The following PRKAR2B variants were observed in gnomAD, a reference collection of about 807,000 sequenced individuals.
PRKAR2B encodes cAMP-dependent protein kinase type II-beta regulatory subunit.
A neutral mutation model predicts 49.9 loss-of-function variants in PRKAR2B; 14 were observed. That is an observed-to-expected ratio of 0.28 (90% CI 0.19 to 0.44). The LOEUF is 0.44. Among genes scored for constraint, PRKAR2B ranks in the 20% least tolerant of loss-of-function variants. PRKAR2B has a pLI of 1.00. For missense variants in PRKAR2B, 393 were observed against 537.9 expected (o/e 0.73, Z 2.67); for synonymous variants, 196 against 197.7 (o/e 0.99, Z 0.07).
intron 2 of PRKAR2B, among the ~76,000 whole-genome samples, chr7:107,079,263 A>G (rs1333164544): frequency 2.0e-5 from 3 of 152,184 alleles, no homozygotes; most frequent in Non-Finnish European, 2.9e-5. Context: ...TAAATTTGCC[A>G]CAGCAATATC....
chr7:107,052,738 T>A (rs1160801159), intron 1 of PRKAR2B, among the ~76,000 whole-genome samples: 1 of 152,268 alleles, frequency 6.6e-6, no homozygotes, highest in Non-Finnish European at 1.5e-5. Flanking sequence ...AGGCTAGCCC[T>A]GCATTGATCT....
At chr7:107,141,833 G>A (rs1562869421) in intron 5 of PRKAR2B, among the ~76,000 whole-genome samples, 1 of 152,058 alleles carries the variant, frequency 6.6e-6, no homozygotes, top group South Asian at 2.1e-4. Context: ...TCCAAGAATT[G>A]TATATTATTA....
At chr7:107,106,748 G>T (rs1795081197) in intron 2 of PRKAR2B, among the ~76,000 whole-genome samples, 1 of 152,070 alleles carries the variant, frequency 6.6e-6, no homozygotes, top group Non-Finnish European at 1.5e-5. Context: ...GACTTTGGGG[G>T]TAGAATCTTA....
At chr7:107,117,561 G>A (rs937564662) in intron 2 of PRKAR2B, among the ~76,000 whole-genome samples, 18 of 152,120 alleles carry the variant, frequency 1.2e-4, no homozygotes, top group Non-Finnish European at 2.1e-4. Flanking sequence ...CCAGTGAATC[G>A]TGGAGTTCAG....
intron 5 of PRKAR2B, among the ~76,000 whole-genome samples, chr7:107,141,357 C>T (rs1007272557): frequency 1.3e-5 from 2 of 152,124 alleles, no homozygotes; most frequent in African/African-American, 4.8e-5. Flanking sequence ...TTAAAAGGTT[C>T]TTTTTTTATA....
intron 10 of PRKAR2B, 84 bp from the exon 11 acceptor site, chr7:107,159,365 T>C (rs1331312437): frequency 1.5e-6 from 2 of 1,297,570 alleles, no homozygotes; most frequent in African/African-American, 1.5e-5. Flanking sequence ...TATTGATATA[T>C]ATGGAGTCGG....
chr7:107,096,749 C>T (rs1051183226), intron 2 of PRKAR2B, among the ~76,000 whole-genome samples: 12 of 152,066 alleles, frequency 7.9e-5, no homozygotes, highest in African/African-American at 7.2e-5. Flanking sequence ...TTATTTTTGC[C>T]TCCATTTCGT....
rs1232502589 is a variant in PRKAR2B, at chr7:107,161,533, T to C, written c.*1951T>C. On this transcript the variant is annotated 3_prime_UTR_variant, in exon 11 of 11. Coordinates refer to ENST00000265717, the MANE Select transcript of PRKAR2B (RefSeq NM_002736.3). ...TGAATTATTGTTTTTCATACTTTTTTGCTTGTTTCTTTAAAGTTTTCTGAC... is the reference window on the plus strand; with the variant it reads ...TGAATTATTGTTTTTCATACTTTTTCGCTTGTTTCTTTAAAGTTTTCTGAC... 6 of 152,680 alleles carry C rather than the reference T, an allele frequency of 3.9e-5. No homozygotes were observed. Among genetic ancestry groups the C allele is most frequent in the Admixed American group, 6.5e-5 (1 of 15,280 alleles). 9.5% of individuals were successfully genotyped at this position (152,680 alleles called of 1,614,324 possible).
At position 107,070,358 on chromosome 7, in the gene PRKAR2B, C is replaced by T. The variant is rs1315985473; in HGVS notation, c.343+42C>T. 3 of 1,510,322 alleles carry T rather than the reference C, an allele frequency of 2.0e-6. No homozygotes were observed. In the African/African-American group the frequency reaches 4.2e-5, roughly 21 times the overall value. The allele number at this position is 1,510,322 out of a possible 1,614,324, so 93.6% of individuals were successfully genotyped here. ...TATGGATTTTGTTTATTAATGGTGACATTTAAAAAATGATAATATTGGACA... is the reference window on the plus strand; with the variant it reads ...TATGGATTTTGTTTATTAATGGTGATATTTAAAAAATGATAATATTGGACA... On this transcript the variant is annotated intron_variant, in intron 2 of 10. Transcript: ENST00000265717.
chr7:107,105,857 A>G (rs1188420353), intron 2 of PRKAR2B, among the ~76,000 whole-genome samples: 1 of 152,164 alleles, frequency 6.6e-6, no homozygotes, highest in Non-Finnish European at 1.5e-5. Context: ...GAGGCAGAAG[A>G]GTGCTTAAGG....
At chr7:107,079,177 C>T (rs138937430) in intron 2 of PRKAR2B, among the ~76,000 whole-genome samples, 81 of 152,334 alleles carry the variant, frequency 5.3e-4, no homozygotes, top group Non-Finnish European at 1.0e-3. Flanking sequence ...GTCACTACTT[C>T]ACCAGCTCTG....
chr7:107,136,922 T>A (rs890753775), intron 4 of PRKAR2B, among the ~76,000 whole-genome samples: 7 of 152,170 alleles, frequency 4.6e-5, no homozygotes, highest in African/African-American at 1.7e-4. Context: ...TGTTGTTCAG[T>A]ATGTGAATGG....
At chr7:107,152,427 C>T (rs1351404113) in intron 7 of PRKAR2B, among the ~76,000 whole-genome samples, 1 of 152,186 alleles carries the variant, frequency 6.6e-6, no homozygotes, top group Non-Finnish European at 1.5e-5. Flanking sequence ...CTGCAGGGCT[C>T]CTTCATTTCT....
chr7:107,073,573 A>G (rs151103789), intron 2 of PRKAR2B, among the ~76,000 whole-genome samples: 29 of 152,316 alleles, frequency 1.9e-4, no homozygotes, highest in African/African-American at 6.3e-4. Context: ...TGAGTTCCAC[A>G]AAACATGATG....
chr7:107,049,317 A>G (rs1042576252), intron 1 of PRKAR2B, among the ~76,000 whole-genome samples: 5 of 152,248 alleles, frequency 3.3e-5, no homozygotes, highest in African/African-American at 9.6e-5. Context: ...GAAAATAAAG[A>G]GCTGATTTTC....
chr7:107,136,686 A>G (rs962543271), intron 4 of PRKAR2B, among the ~76,000 whole-genome samples: 1 of 152,224 alleles, frequency 6.6e-6, no homozygotes, highest in Non-Finnish European at 1.5e-5. Flanking sequence ...AGGTGGTTCA[A>G]CAACTCATTG....
chr7:107,072,839 T>C (rs1187590305), intron 2 of PRKAR2B, among the ~76,000 whole-genome samples: 5 of 152,220 alleles, frequency 3.3e-5, no homozygotes, highest in African/African-American at 1.2e-4. Flanking sequence ...AGAGATACTT[T>C]TTCTTTTCAT....
chr7:107,061,898 GA>G (rs1289238813), intron 1 of PRKAR2B, among the ~76,000 whole-genome samples: 1 of 151,454 alleles, frequency 6.6e-6, no homozygotes, highest in African/African-American at 2.4e-5. Context: ...CTCTGTCTCG[GA>G]AAAAAAAGAA....
chr7:107,132,645 A>G (rs1795623858), intron 4 of PRKAR2B, among the ~76,000 whole-genome samples: 1 of 152,194 alleles, frequency 6.6e-6, no homozygotes, highest in African/African-American at 2.4e-5. Context: ...AGAATCTAGG[A>G]TGGCTCCCAG....
Sources: allele counts gnomAD v4.1 joint callset (sites outside exome capture counted in the v4.1 genomes callset), GRCh38; gene constraint gnomAD v4.1.1; transcripts MANE v1.5; gene names NCBI Gene and HGNC (gene_info 2026-07-23, HGNC 2026-07-21).